The following SDK1 variants were observed in gnomAD, a reference collection of about 807,000 sequenced individuals.
The protein encoded by SDK1 is protein sidekick-1.
Under a neutral mutation model 245.5 loss-of-function variants are expected in SDK1, and 157 were observed. That is an observed-to-expected ratio of 0.64 (90% CI 0.56 to 0.73). The LOEUF (loss-of-function observed/expected upper bound fraction) is 0.73, where lower values mean the gene tolerates loss of function less well. Ranked by LOEUF, SDK1 falls within the 30% of genes least tolerant of loss-of-function variation. SDK1 has a pLI of 0.00. For synonymous variants in SDK1, 1,647 were observed against 1,278.5 expected (o/e 1.29, Z -6.15); for missense variants, 3,583 against 3,002.3 (o/e 1.19, Z -4.52).
intron 1 of SDK1, among the ~76,000 whole-genome samples, chr7:3,378,366 G>T (rs889336251): frequency 8.5e-5 from 13 of 152,200 alleles, no homozygotes; most frequent in African/African-American, 3.1e-4. Flanking sequence ...AAGACCTTGG[G>T]TGGGACGGGA....
At chr7:3,667,057 T>C (rs1783557280) in intron 4 of SDK1, among the ~76,000 whole-genome samples, 2 of 152,166 alleles carry the variant, frequency 1.3e-5, no homozygotes, top group African/African-American at 4.8e-5. Flanking sequence ...CATTAAGTGC[T>C]CCTAGAAGAA....
At chr7:3,388,994 T>C (rs1419809494) in intron 1 of SDK1, among the ~76,000 whole-genome samples, 1 of 152,174 alleles carries the variant, frequency 6.6e-6, no homozygotes, top group African/African-American at 2.4e-5. Flanking sequence ...TATCCTGTGA[T>C]ACAGAATCAC....
At chr7:4,067,373 G>A (rs1779973877) in intron 19 of SDK1, among the ~76,000 whole-genome samples, 3 of 152,208 alleles carry the variant, frequency 2.0e-5, no homozygotes, top group Admixed American at 2.0e-4. Context: ...TTTGGAGCCT[G>A]GAGTTCTGGA....
chr7:3,898,233 T>C (rs1197235579), intron 5 of SDK1, among the ~76,000 whole-genome samples: 1 of 152,144 alleles, frequency 6.6e-6, no homozygotes, highest in African/African-American at 2.4e-5. Context: ...AAAGTCTTCA[T>C]TGTAGGGCCG....
intron 4 of SDK1, among the ~76,000 whole-genome samples, chr7:3,657,929 A>T (rs1199668571): frequency 6.6e-6 from 1 of 152,194 alleles, no homozygotes; most frequent in East Asian, 1.9e-4. Flanking sequence ...CATTTGAATG[A>T]TACCTTTGTC....
At chr7:3,729,299 A>T (rs191843059) in intron 4 of SDK1, among the ~76,000 whole-genome samples, 2 of 152,350 alleles carry the variant, frequency 1.3e-5, no homozygotes, top group East Asian at 3.9e-4. Flanking sequence ...TCTGGCTAAT[A>T]TATAATTCCT....
chr7:4,219,965 C>T (rs2128231475), intron 38 of SDK1, 144 bp from the exon 39 acceptor site: 1 of 924,602 alleles, frequency 1.1e-6, no homozygotes, highest in East Asian at 2.8e-5. Context: ...TTGGCTATTA[C>T]CACCATATAA....
At chr7:3,577,248 G>A (rs887296914) in intron 1 of SDK1, among the ~76,000 whole-genome samples, 3 of 152,088 alleles carry the variant, frequency 2.0e-5, no homozygotes, top group East Asian at 1.9e-4. Context: ...ATCATCACAT[G>A]GTCCCAGTAA....
chr7:3,317,562 G>A (rs1779694585), intron 1 of SDK1, among the ~76,000 whole-genome samples: 2 of 114,710 alleles, frequency 1.7e-5, no homozygotes, highest in Admixed American at 1.7e-4. Flanking sequence ...GCTTCCTTCT[G>A]CCTATTCCTC....
chr7:3,824,900 G>A lies in SDK1; in HGVS notation c.847+3317G>A, dbSNP rs555632245. Among the ~76,000 whole-genome samples, 9 of 152,154 alleles carry A rather than the reference G, an allele frequency of 5.9e-5. 1 individual carries two copies. In the South Asian group the frequency reaches 1.9e-3, roughly 32 times the overall value. Reference sequence around the variant, plus strand: ...TCTCTCAACATTTCTCCCCTCTTGCGTGGTTAAGAAGATAAATTCCAGCAT... The same window carrying A: ...TCTCTCAACATTTCTCCCCTCTTGCATGGTTAAGAAGATAAATTCCAGCAT... On this transcript the variant is annotated intron_variant, in intron 5 of 44. Transcript: ENST00000404826.
intron 1 of SDK1, among the ~76,000 whole-genome samples, chr7:3,311,475 A>G (rs1445792345): frequency 6.6e-6 from 1 of 152,186 alleles, no homozygotes; most frequent in Non-Finnish European, 1.5e-5. Flanking sequence ...TGTTCTATTG[A>G]AATTCTCAAG....
chr7:3,536,593 C>T (rs1778894111), intron 1 of SDK1, among the ~76,000 whole-genome samples: 1 of 151,914 alleles, frequency 6.6e-6, no homozygotes, highest in Non-Finnish European at 1.5e-5. Context: ...ACTTGGGAGG[C>T]TGAGGCACAA....
intron 1 of SDK1, among the ~76,000 whole-genome samples, chr7:3,596,928 G>A (rs1040715256): frequency 6.6e-5 from 10 of 152,250 alleles, no homozygotes; most frequent in South Asian, 4.1e-4. Context: ...TGCCTTACTT[G>A]AACACAGTTT....
In SDK1 at chr7:4,026,417, A is replaced by T. The variant is rs926379291; in HGVS notation, c.2602+9065A>T. Among the ~76,000 whole-genome samples the T allele has an allele frequency of 6.6e-6, 1 of 152,234 alleles. No individual in the cohort carries two copies. The highest frequency in any genetic ancestry group is 2.4e-5 in the African/African-American group (1 of 41,468). On this transcript the variant is annotated intron_variant, in intron 17 of 44. Transcript: ENST00000404826. The surrounding 1 kb of genome is among the most constrained non-coding windows in gnomAD (Gnocchi z 4.1). ...CTGGTATTTTGTGAATAGAAATAACATCTTGTTCCTAACTGACTTCAGAGT... is the reference window on the plus strand; with the variant it reads ...CTGGTATTTTGTGAATAGAAATAACTTCTTGTTCCTAACTGACTTCAGAGT...
chr7:3,870,167 T>C (rs2115132272), intron 5 of SDK1, among the ~76,000 whole-genome samples: 1 of 152,374 alleles, frequency 6.6e-6, no homozygotes, highest in Non-Finnish European at 1.5e-5. Context: ...AATATTTTGC[T>C]TTTAAGACTC....
intron 44 of SDK1, among the ~76,000 whole-genome samples, chr7:4,253,507 T>C (rs912778047): frequency 3.3e-5 from 5 of 152,220 alleles, no homozygotes; most frequent in Admixed American, 1.3e-4. Context: ...AATTTATATA[T>C]TTTCAGTCCT....
chr7:3,409,865 T>A (rs892926011), intron 1 of SDK1, among the ~76,000 whole-genome samples: 1 of 152,158 alleles, frequency 6.6e-6, no homozygotes, highest in Admixed American at 6.6e-5. Context: ...TAGCAGAGTT[T>A]AAGCGAATGA....
intron 4 of SDK1, among the ~76,000 whole-genome samples, chr7:3,651,857 C>T (rs1054267561): frequency 6.6e-6 from 1 of 152,162 alleles, no homozygotes; most frequent in Admixed American, 6.5e-5. Context: ...GGAATGATGT[C>T]TTCGAACGCC....
At chr7:3,939,001 G>A (rs537339996) in intron 5 of SDK1, among the ~76,000 whole-genome samples, 71 of 152,288 alleles carry the variant, frequency 4.7e-4, no homozygotes, top group Admixed American at 7.8e-4. Context: ...ATCGTCTCTC[G>A]TCAGTAGAAA....
Sources: allele counts gnomAD v4.1 joint callset (sites outside exome capture counted in the v4.1 genomes callset), GRCh38; gene constraint gnomAD v4.1.1; non-coding constraint Gnocchi (gnomAD v3.1); transcripts MANE v1.5; gene names NCBI Gene and HGNC (gene_info 2026-07-23, HGNC 2026-07-21).